The following MFHAS1 variants were observed in gnomAD, a reference collection of about 807,000 sequenced individuals.
MFHAS1 encodes multifunctional ROCO family signaling regulator 1, also known as malignant fibrous histiocytoma-amplified sequence 1.
In MFHAS1, 50 loss-of-function variants were observed where a neutral mutation model predicts 70.4. That is an observed-to-expected ratio of 0.71 (90% CI 0.57 to 0.90). The LOEUF is 0.90. MFHAS1 is among the 40% of genes least tolerant of loss of function. MFHAS1 has a pLI of 0.00. For synonymous variants in MFHAS1, 952 were observed against 620.0 expected (o/e 1.54, Z -7.96); for missense variants, 1,795 against 1,347.6 (o/e 1.33, Z -5.20).
chr8:8,877,301 C>CAAAAAAAAAAAAAAAAAAAAAAAAAA (rs3989409), intron 1 of MFHAS1, among the ~76,000 whole-genome samples: 1 of 63,798 alleles, frequency 1.6e-5, no homozygotes, highest in African/African-American at 5.2e-5. Flanking sequence ...GACCCTGCCT[C>CAAAAAAAAAAAAAAAAAAAAAAAAAA]AAAAAAAAAA....
At position 8,892,986 on chromosome 8, in the gene MFHAS1, G is replaced by A. The variant is rs746403812; in HGVS notation, c.73C>T (p.Leu25=). ...WRDAALRARK[L]RSNLRQLTLT... ...GTGAGCTGGCGCAGGTTGCTCCGCA[G>A]CTTCCTGGCACGCAGGGCGGCGTCC... The change falls in exon 1 of 3, where the codon CTG becomes TTG. Residue 25 remains leucine, a synonymous_variant. Transcript: ENST00000276282. The surrounding 1 kb of genome is among the most constrained non-coding windows in gnomAD (Gnocchi z 4.7). 1.6e-5 allele frequency: 25 copies of A among 1,538,020 alleles called. No individual in the cohort carries two copies. In the Admixed American group the frequency reaches 1.8e-4, roughly 11 times the overall value.
In MFHAS1 at chr8:8,809,557, C is replaced by T. The variant is rs558223443; in HGVS notation, c.2999-12066G>A. On this transcript the variant is annotated intron_variant, in intron 1 of 2. Coordinates refer to ENST00000276282, the MANE Select transcript of MFHAS1 (RefSeq NM_004225.3). ...GTCCCACCACGCCTCCCTGCAGACG[C>T]GTGTGCCACTTGGCTCCATTTTGCT... Among the ~76,000 whole-genome samples the T allele has an allele frequency of 5.9e-5, 9 of 152,324 alleles. No homozygotes were observed. The East Asian group carries it at 1.2e-3, about 20-fold the overall frequency.
intron 1 of MFHAS1, among the ~76,000 whole-genome samples, chr8:8,834,133 AAAAAAAACAAAAC>A: frequency 1.4e-5 from 1 of 70,488 alleles, no homozygotes; most frequent in African/African-American, 3.9e-5. Context: ...CAAAAAAAAC[AAAAAAAACAAAAC>A]AAACAAACAA....
At chr8:8,880,763 C>T (rs184940041) in intron 1 of MFHAS1, among the ~76,000 whole-genome samples, 225 of 151,804 alleles carry the variant, frequency 1.5e-3, no homozygotes, top group African/African-American at 5.2e-3. Context: ...CAGCTCACTG[C>T]AACCTCCGCC....
intron 1 of MFHAS1, among the ~76,000 whole-genome samples, chr8:8,881,142 G>T (rs553100025): frequency 6.6e-6 from 1 of 152,166 alleles, no homozygotes; most frequent in East Asian, 1.9e-4. Flanking sequence ...TACAGCAAAA[G>T]AAAAAAACTT....
At chr8:8,853,477 A>T (rs2116875958) in intron 1 of MFHAS1, among the ~76,000 whole-genome samples, 1 of 151,648 alleles carries the variant, frequency 6.6e-6, no homozygotes, top group African/African-American at 2.4e-5. Flanking sequence ...AAAAAAAAAA[A>T]AAAAAAAAAA....
intron 1 of MFHAS1, among the ~76,000 whole-genome samples, chr8:8,801,566 C>G (rs1327450824): frequency 6.6e-6 from 1 of 152,192 alleles, no homozygotes; most frequent in East Asian, 1.9e-4. Flanking sequence ...AGAAAAACAG[C>G]TTTTTCCTTT....
rs994006753 is a variant in MFHAS1, at chr8:8,891,984, C to G, written c.1075G>C (p.Asp359His). 3 of 1,612,824 alleles carry G rather than the reference C, an allele frequency of 1.9e-6. No individual in the cohort carries two copies. The highest frequency in any genetic ancestry group is 2.2e-5 in the South Asian group (2 of 90,984). ...LQGNQIAVLP[D>H]HFGQLSRVGL... Reference sequence around the variant, plus strand: ...ACCCGGGAGAGCTGGCCAAAGTGGTCGGGCAGCACCGCGATCTGGTTCCCC... The same window carrying G: ...ACCCGGGAGAGCTGGCCAAAGTGGTGGGGCAGCACCGCGATCTGGTTCCCC... The change falls in exon 1 of 3, where the codon GAC becomes CAC. Residue 359 changes from aspartate to histidine, a missense_variant. Transcript: ENST00000276282. This position sits in a 1 kb window ranked among gnomAD's most constrained non-coding sequence, Gnocchi z 5.4.
At position 8,890,597 on chromosome 8, in the gene MFHAS1, A is replaced by T. The variant is rs1347647706; in HGVS notation, c.2462T>A (p.Leu821Gln). Residue 821 changes from leucine to glutamine, a missense_variant, in exon 1 of 3, where the codon CTG (leucine) becomes CAG (glutamine). Physicochemically the swap from Leu to Gln is moderately radical, Grantham distance 113. Transcript: ENST00000276282. ...VQAQQDLQLLLELLEKMGLCY... is the reference protein window; with the variant it reads ...VQAQQDLQLLQELLEKMGLCY... ...GAGTCCCATCTTCTCCAGCAGCTCC[A>T]GCAACAGCTGCAAGTCCTGCTGGGC... is the stretch of plus-strand genomic sequence containing the variant. 1 of 1,613,876 alleles carries T rather than the reference A, an allele frequency of 6.2e-7. No individual in the cohort carries two copies.
intron 1 of MFHAS1, among the ~76,000 whole-genome samples, chr8:8,823,236 G>A (rs572628916): frequency 8.5e-5 from 13 of 152,218 alleles, no homozygotes; most frequent in Non-Finnish European, 1.9e-4. Flanking sequence ...TTATTTGCAA[G>A]TTACTATGTG....
At chr8:8,787,284 G>T (rs1279166787) in intron 2 of MFHAS1, among the ~76,000 whole-genome samples, 1 of 152,106 alleles carries the variant, frequency 6.6e-6, no homozygotes, top group African/African-American at 2.4e-5. Context: ...GTTTCACCAT[G>T]TTAGCCAGGA....
At position 8,891,593 on chromosome 8, in the gene MFHAS1, G is replaced by A. The variant is rs758025498; in HGVS notation, c.1466C>T (p.Pro489Leu). 7 of 1,613,424 alleles carry A rather than the reference G, an allele frequency of 4.3e-6. No homozygotes were observed. The highest frequency in any genetic ancestry group is 1.6e-4 in the Middle Eastern group (1 of 6,062). Residue 489 changes from proline to leucine, a missense_variant, in exon 1 of 3, where the codon CCC (proline) becomes CTC (leucine). Transcript: ENST00000276282. The surrounding 1 kb of genome is among the most constrained non-coding windows in gnomAD (Gnocchi z 5.4). ...TAGGGCCCCTGGGGACAGGAAGAAG[G>A]GCTGGATCACCTCATAACTTTCATC... Reference protein sequence around the residue: ...AGDESYEVIQPFFLSPGALYV... With the variant: ...AGDESYEVIQLFFLSPGALYV...
At chr8:8,835,743 T>C (rs1807572309) in intron 1 of MFHAS1, among the ~76,000 whole-genome samples, 1 of 152,230 alleles carries the variant, frequency 6.6e-6, no homozygotes. Flanking sequence ...CCCATTATAC[T>C]ACGTAGAAGA....
At chr8:8,836,260 T>C (rs1338611871) in intron 1 of MFHAS1, among the ~76,000 whole-genome samples, 2 of 152,220 alleles carry the variant, frequency 1.3e-5, no homozygotes, top group Admixed American at 6.5e-5. Context: ...AAAATAATAG[T>C]TTGAGTAGCC....
intron 2 of MFHAS1, among the ~76,000 whole-genome samples, chr8:8,786,804 G>A (rs62495534): frequency 6.6e-6 from 1 of 151,408 alleles, no homozygotes; most frequent in African/African-American, 2.4e-5. Flanking sequence ...TCTCTCATTA[G>A]GAGAGACGCT....
chr8:8,864,496 T>C (rs993593031), intron 1 of MFHAS1, among the ~76,000 whole-genome samples: 3 of 152,260 alleles, frequency 2.0e-5, no homozygotes, highest in African/African-American at 7.2e-5. Flanking sequence ...AATATTCTTA[T>C]GTTAACCTTG....
intron 1 of MFHAS1, among the ~76,000 whole-genome samples, chr8:8,848,680 C>T (rs1207665357): frequency 6.6e-6 from 1 of 152,148 alleles, no homozygotes; most frequent in Non-Finnish European, 1.5e-5. Context: ...AAATTGAGTA[C>T]TCAATAGAGA....
intron 2 of MFHAS1, among the ~76,000 whole-genome samples, chr8:8,786,458 G>A (rs1805546457): frequency 6.6e-6 from 1 of 152,122 alleles, no homozygotes; most frequent in South Asian, 2.1e-4. Flanking sequence ...TCCTCTAGAA[G>A]AAGGAATATA....
At chr8:8,842,243 T>C (rs1807854160) in intron 1 of MFHAS1, among the ~76,000 whole-genome samples, 1 of 152,046 alleles carries the variant, frequency 6.6e-6, no homozygotes, top group Non-Finnish European at 1.5e-5. Context: ...TGGAGTGCGG[T>C]GGCTCAACCT....
Sources: gnomAD v4.1 joint callset for allele counts (sites outside exome capture counted in the v4.1 genomes callset) on GRCh38, gnomAD v4.1.1 for gene constraint, Gnocchi (gnomAD v3.1) non-coding constraint, MANE v1.5 for transcripts, NCBI Gene and HGNC (gene_info 2026-07-23, HGNC 2026-07-21) for gene names.